Variants in RASGEF1C observed in about 807,000 individuals in gnomAD.
RASGEF1C encodes the protein RasGEF domain family member 1C, also known as ras-GEF domain-containing family member 1C.
In RASGEF1C, 27 loss-of-function variants were observed where a neutral mutation model predicts 58.1. The observed-to-expected ratio is 0.46, with a 90% CI of 0.34 to 0.64. The LOEUF is 0.64. Among genes scored for constraint, RASGEF1C ranks in the 30% least tolerant of loss-of-function variants. RASGEF1C has a pLI of 0.01. For missense variants in RASGEF1C, 502 were observed against 605.1 expected (o/e 0.83, Z 1.79); for synonymous variants, 243 against 246.3 (o/e 0.99, Z 0.13).
intron 6 of RASGEF1C, among the ~76,000 whole-genome samples, chr5:180,121,681 A>AC (rs1230111122): frequency 0.032 from 2,331 of 73,474 alleles, 89 homozygotes; most frequent in African/African-American, 0.074. Flanking sequence ...ACACACACAC[A>AC]CCCTCATTAT....
chr5:180,182,349 C>T (rs1451320078), intron 1 of RASGEF1C, among the ~76,000 whole-genome samples: 3 of 151,944 alleles, frequency 2.0e-5, no homozygotes, highest in African/African-American at 4.8e-5. Flanking sequence ...AAGCCGCGGA[C>T]CTTCACGGTG....
intron 1 of RASGEF1C, among the ~76,000 whole-genome samples, chr5:180,176,707 C>CTT (rs1767231705): frequency 6.6e-6 from 1 of 152,110 alleles, no homozygotes; most frequent in South Asian, 2.1e-4. Context: ...TAGGCGTCTG[C>CTT]CACCATGCCC....
intron 1 of RASGEF1C, among the ~76,000 whole-genome samples, chr5:180,205,516 A>G (rs1314694752): frequency 6.6e-6 from 1 of 152,118 alleles, no homozygotes; most frequent in Non-Finnish European, 1.5e-5. Context: ...GTTAATATAC[A>G]AGCCTAATAT....
intron 1 of RASGEF1C, among the ~76,000 whole-genome samples, chr5:180,191,676 G>A (rs893345446): frequency 2.0e-5 from 3 of 152,248 alleles, no homozygotes; most frequent in South Asian, 4.1e-4. Context: ...ATTTATAAGA[G>A]TCTCAAAGAG....
At chr5:180,163,254 C>T (rs10071200) in intron 1 of RASGEF1C, among the ~76,000 whole-genome samples, 1,816 of 70,974 alleles carry the variant, frequency 0.026, 273 homozygotes, top group Admixed American at 0.099. Flanking sequence ...TTTTTTTTTC[C>T]AGCCTATTGC....
At chr5:180,139,805 C>T (rs1456659627) in intron 1 of RASGEF1C, among the ~76,000 whole-genome samples, 1 of 152,194 alleles carries the variant, frequency 6.6e-6, no homozygotes, top group Non-Finnish European at 1.5e-5. Flanking sequence ...TGCTCTGCCT[C>T]CTGCCCAGGG....
intron 7 of RASGEF1C, 53 bp from the exon 8 acceptor site, chr5:180,119,501 ATCAGGCCCGCTCCCC>A: frequency 7.1e-7 from 1 of 1,399,908 alleles, no homozygotes; most frequent in East Asian, 2.3e-5. Context: ...CCCTGCCCTG[ATCAGGCCCGCTCCCC>A]TCACCTGGCC....
chr5:180,103,281 G>C (rs1023206102), intron 12 of RASGEF1C, among the ~76,000 whole-genome samples: 1 of 152,158 alleles, frequency 6.6e-6, no homozygotes, highest in Non-Finnish European at 1.5e-5. Context: ...GTTTCACCGT[G>C]TTAGCCAGGA....
chr5:180,141,351 G>A (rs576965217), intron 1 of RASGEF1C, among the ~76,000 whole-genome samples: 18 of 152,338 alleles, frequency 1.2e-4, no homozygotes, highest in Non-Finnish European at 2.6e-4. Context: ...TGGAGAAAAC[G>A]CCTCTCCACA....
At chr5:180,111,725 C>T (rs994897672) in intron 11 of RASGEF1C, 145 bp from the exon 12 acceptor site, 3 of 801,124 alleles carry the variant, frequency 3.7e-6, no homozygotes, top group Admixed American at 2.3e-5. Flanking sequence ...TAAATGAGGG[C>T]GAGAGCAGTC....
intron 1 of RASGEF1C, among the ~76,000 whole-genome samples, chr5:180,180,638 C>T (rs1395133399): frequency 6.6e-6 from 1 of 152,262 alleles, no homozygotes; most frequent in Non-Finnish European, 1.5e-5. Flanking sequence ...TGGCTCCTGC[C>T]CAAGGAACGG....
rs55986031 is a variant in RASGEF1C at position 180,141,719 on chromosome 5, C to CTT, written c.-6-3663_-6-3662dup. On this transcript the variant is annotated intron_variant, in intron 1 of 13. Coordinates refer to ENST00000361132, the MANE Select transcript of RASGEF1C (RefSeq NM_175062.4). The stretch of plus-strand genomic sequence containing the variant: ...TTTATGTTATGTGTATTTTATCACA[C>CTT]TTTTTTTTTTTTTTTTTTAAACAGA... 6.4e-4 allele frequency among the ~76,000 whole-genome samples: 93 copies of CTT among 146,126 alleles called. 1 individual carries two copies. Among genetic ancestry groups the CTT allele is most frequent in the African/African-American group, 2.3e-3 (89 of 39,536 alleles).
At chr5:180,145,084 T>C (rs1284820506) in intron 1 of RASGEF1C, among the ~76,000 whole-genome samples, 2 of 152,204 alleles carry the variant, frequency 1.3e-5, no homozygotes, top group Admixed American at 6.6e-5. Flanking sequence ...CCCTTTACCA[T>C]ACTGTTTTCC....
chr5:180,128,462 C>A lies in RASGEF1C; in HGVS notation c.587G>T (p.Gly196Val). 6.2e-7 allele frequency: 1 copy of A among 1,614,092 alleles called. No homozygotes were observed. The highest frequency in any genetic ancestry group is 8.5e-7 in the Non-Finnish European group (1 of 1,180,020). Reference protein sequence around the residue: ...PPASIHRELLGVCSDPYTLAQ... With the variant: ...PPASIHRELLVVCSDPYTLAQ... ...CAGTGTGTAGGGGTCGCTGCAGACA[C>A]CAAGGAGCTCCCTGTGGATGGAGGC... Residue 196 changes from glycine to valine, a missense_variant, in exon 5 of 14, where the codon GGT becomes GTT. Transcript: ENST00000361132.
chr5:180,188,968 AC>A (rs1205932133), intron 1 of RASGEF1C, among the ~76,000 whole-genome samples: 2 of 152,234 alleles, frequency 1.3e-5, no homozygotes, highest in African/African-American at 4.8e-5. Flanking sequence ...AAAGAAAGAA[AC>A]AAAAGGCATC....
chr5:180,186,906 C>T (rs575450540), intron 1 of RASGEF1C, among the ~76,000 whole-genome samples: 113 of 152,288 alleles, frequency 7.4e-4, no homozygotes, highest in African/African-American at 2.6e-3. Flanking sequence ...AAGATCGTGC[C>T]ACTGCACTCC....
At chr5:180,109,291 C>T (rs989703036) in intron 12 of RASGEF1C, among the ~76,000 whole-genome samples, 1 of 152,014 alleles carries the variant, frequency 6.6e-6, no homozygotes, top group African/African-American at 2.4e-5. Flanking sequence ...CCCGTCTCTA[C>T]TAAAAATACA....
intron 6 of RASGEF1C, among the ~76,000 whole-genome samples, chr5:180,123,093 T>C (rs80342659): frequency 0.015 from 2,255 of 152,306 alleles, 84 homozygotes; most frequent in Admixed American, 0.086. Context: ...AAATAGACTT[T>C]AAGGCAACAA....
intron 1 of RASGEF1C, among the ~76,000 whole-genome samples, chr5:180,173,291 G>A (rs1033449853): frequency 5.3e-5 from 8 of 152,114 alleles, no homozygotes; most frequent in South Asian, 4.1e-4. Context: ...GCTGCCCCTC[G>A]ACCTGGGGAT....
Sources: gnomAD v4.1 joint callset for allele counts (sites outside exome capture counted in the v4.1 genomes callset) on GRCh38, gnomAD v4.1.1 for gene constraint, MANE v1.5 for transcripts, NCBI Gene and HGNC (gene_info 2026-07-23, HGNC 2026-07-21) for gene names.